FASTKD1: variants seen among roughly 807,000 people sequenced by gnomAD.
FASTKD1 encodes FAST kinase domains 1, also known as FAST kinase domain-containing protein 1, mitochondrial.
FASTKD1 carries 94 observed loss-of-function variants against 90.9 expected under a neutral mutation model. The ratio of observed to expected loss-of-function variants is 1.03; its 90% CI spans 0.88 to 1.23. The LOEUF is 1.23. FASTKD1 is among the 50% of genes most tolerant of loss of function. FASTKD1 has a pLI of 0.00. For synonymous variants in FASTKD1, 319 were observed against 345.8 expected (o/e 0.92, Z 0.86); for missense variants, 945 against 993.5 (o/e 0.95, Z 0.66).
rs1256359940 is a variant in FASTKD1, at chr2:169,537,134, C to A, written c.2188+93G>T. 4 of 789,164 alleles carry A rather than the reference C, an allele frequency of 5.1e-6. No homozygotes were observed. The East Asian group carries it at 8.6e-5, about 17-fold the overall frequency. 48.9% of individuals were successfully genotyped at this position (789,164 alleles called of 1,614,324 possible). On this transcript the variant is annotated intron_variant, in intron 12 of 14. Transcript: ENST00000453153. ...TAATAATAACAACTTGAAAAAAATT[C>A]AAAAAACTTTAAAAAATTCCAACTG...
intron 3 of FASTKD1, among the ~76,000 whole-genome samples, chr2:169,565,552 G>A (rs532732003): frequency 3.3e-5 from 5 of 152,126 alleles, no homozygotes; most frequent in Non-Finnish European, 7.4e-5. Context: ...GTGAGCCACC[G>A]CGCCCAGCCA....
intron 12 of FASTKD1, among the ~76,000 whole-genome samples, chr2:169,534,413 T>C (rs1684629150): frequency 6.6e-6 from 1 of 150,990 alleles, no homozygotes; most frequent in Non-Finnish European, 1.5e-5. Flanking sequence ...AGCTTGGACT[T>C]CCTAGCCTCC....
chr2:169,560,696 T>G lies in FASTKD1; in HGVS notation c.662A>C (p.Asp221Ala). The stretch of plus-strand genomic sequence containing the variant: ...GTTGACCTCAGAAGAATCTATGGTG[T>G]CAAAAAGAAGTTCTGTTTTGTTCAC... ...QLVNKTELLFDTIDSSEVNVA... is the reference protein window; with the variant it reads ...QLVNKTELLFATIDSSEVNVA... The change falls in exon 5 of 15, where the codon GAC (aspartate) becomes GCC (alanine). Residue 221 changes from aspartate (D) to alanine (A), a missense_variant. By Grantham distance (126) the Asp-to-Ala change is moderately radical. Transcript: ENST00000453153. The G allele has an allele frequency of 6.2e-7, 1 of 1,610,142 alleles. No individual in the cohort carries two copies.
In FASTKD1 at chr2:169,528,776, C is replaced by T. The variant is rs1363460055; in HGVS notation, c.*1049G>A. ...AGCCATTTCCCATTTGTCATCTTTC[C>T]TGACCTATCAGCAGCATCTGATACA... is the stretch of plus-strand genomic sequence containing the variant. On this transcript the variant is annotated 3_prime_UTR_variant, in exon 15 of 15. Coordinates refer to ENST00000453153, the MANE Select transcript of FASTKD1 (RefSeq NM_024622.6). Among the ~76,000 whole-genome samples, 3 of 152,052 alleles carry T rather than the reference C, an allele frequency of 2.0e-5. No homozygotes were observed. The highest frequency in any genetic ancestry group is 2.9e-5 in the Non-Finnish European group (2 of 68,020).
chr2:169,562,062 TTTATTGTAAAATAATTATTTATTA>T lies in FASTKD1; in HGVS notation c.572+1139_572+1162del, dbSNP rs1683707475. Among the ~76,000 whole-genome samples, 2 of 131,790 alleles carry T rather than the reference TTTATTGTAAAATAATTATTTATTA, an allele frequency of 1.5e-5. 1 individual carries two copies. The highest frequency in any genetic ancestry group is 3.2e-5 in the Non-Finnish European group (2 of 62,812). 86.5% of individuals were successfully genotyped at this position (131,790 alleles called of 152,430 possible). On this transcript the variant is annotated intron_variant, in intron 4 of 14. Transcript: ENST00000453153. ...TTATTGTAAATTAATTATTTATTAA[TTTATTGTAAAATAATTATTTATTA>T]ATTTATTGTAAAATAATTATTTATT... is the stretch of plus-strand genomic sequence containing the variant.
Position 169,573,821 on chromosome 2 carries a change from T to A in FASTKD1, c.-295A>T, listed in dbSNP as rs985175805. 3.3e-5 allele frequency: 5 copies of A among 152,198 alleles called. No homozygotes were observed. The highest frequency in any genetic ancestry group is 5.9e-5 in the Non-Finnish European group (4 of 68,052). The allele number at this position is 152,198 out of a possible 1,614,324, so 9.4% of individuals were successfully genotyped here. A position where few individuals can be genotyped will look rare whatever the true frequency, so the allele number is the denominator to read the frequency against. ...CATATCTCAGGGTTTATAACCTTTCTTCGAGAGACATGACCTTTCCCATGA... is the reference window on the plus strand; with the variant it reads ...CATATCTCAGGGTTTATAACCTTTCATCGAGAGACATGACCTTTCCCATGA... On this transcript the variant is annotated 5_prime_UTR_variant, in exon 1 of 15. The change creates a new upstream start codon in the 5' untranslated region. Coordinates refer to ENST00000453153, the MANE Select transcript of FASTKD1 (RefSeq NM_024622.6).
chr2:169,560,952 G>C (rs1407412282), intron 4 of FASTKD1, among the ~76,000 whole-genome samples, 167 bp from the exon 5 acceptor site: 3 of 146,954 alleles, frequency 2.0e-5, no homozygotes, highest in African/African-American at 5.0e-5. Context: ...CAAAGTGCTG[G>C]GATTACAGGC....
chr2:169,537,905 T>A (rs775285365), intron 11 of FASTKD1, 108 bp downstream of exon 11: 4 of 929,240 alleles, frequency 4.3e-6, no homozygotes, highest in Middle Eastern at 2.4e-4. Flanking sequence ...GTCATGGCAC[T>A]CTTGGGAAGG....
At chr2:169,565,248 G>GTTTT (rs1559159903) in intron 3 of FASTKD1, among the ~76,000 whole-genome samples, 1 of 67,738 alleles carries the variant, frequency 1.5e-5, no homozygotes, top group African/African-American at 5.0e-5. Flanking sequence ...ACCACACCAG[G>GTTTT]CTTTTTTTTT....
chr2:169,573,751 G>C lies in FASTKD1; in HGVS notation c.-225C>G, dbSNP rs1684335147. ...AGCTCAGAAGTCAGGGTTATTCCTG[G>C]TCCCAACACGGAACGAAACAGGCTC... On this transcript the variant is annotated 5_prime_UTR_variant, in exon 1 of 15. Coordinates refer to ENST00000453153, the MANE Select transcript of FASTKD1 (RefSeq NM_024622.6). 6.6e-6 allele frequency: 1 copy of C among 152,208 alleles called. No individual in the cohort carries two copies. The highest frequency in any genetic ancestry group is 1.5e-5 in the Non-Finnish European group (1 of 68,058). The allele number at this position is 152,208 out of a possible 1,614,324, so 9.4% of individuals were successfully genotyped here. A position where few individuals can be genotyped will look rare whatever the true frequency, so the allele number is the denominator to read the frequency against.
chr2:169,564,952 CTT>C (rs557658819), intron 3 of FASTKD1, among the ~76,000 whole-genome samples: 28 of 108,998 alleles, frequency 2.6e-4, no homozygotes, highest in African/African-American at 5.4e-4. Context: ...CCACATTTTT[CTT>C]TTTTTTTTTT....
chr2:169,531,286 T>A, intron 13 of FASTKD1, 66 bp downstream of exon 13: 1 of 1,496,672 alleles, frequency 6.7e-7, no homozygotes, highest in Non-Finnish European at 9.3e-7. Context: ...GATCACTGAC[T>A]TCAGTATAGT....
chr2:169,543,161 G>C (rs1223190016), intron 9 of FASTKD1, among the ~76,000 whole-genome samples: 7 of 152,010 alleles, frequency 4.6e-5, no homozygotes, highest in Admixed American at 6.6e-5. Flanking sequence ...ACTCAATGCT[G>C]GTTGTTTAAA....
intron 7 of FASTKD1, among the ~76,000 whole-genome samples, chr2:169,547,709 C>T (rs988109803): frequency 1.1e-4 from 17 of 151,428 alleles, no homozygotes; most frequent in Admixed American, 5.3e-4. Context: ...GAAACGCTGT[C>T]TCTACTAAAA....
chr2:169,553,438 C>A (rs1014030457), intron 7 of FASTKD1, among the ~76,000 whole-genome samples: 1 of 151,986 alleles, frequency 6.6e-6, no homozygotes, highest in Non-Finnish European at 1.5e-5. Context: ...ATCTTACCAT[C>A]TTAAGAAGAA....
At chr2:169,551,805 A>C (rs983025501) in intron 7 of FASTKD1, among the ~76,000 whole-genome samples, 1 of 152,198 alleles carries the variant, frequency 6.6e-6, no homozygotes, top group Non-Finnish European at 1.5e-5. Flanking sequence ...AAAATAAAGG[A>C]AATCATACTA....
rs562472743 is a variant in FASTKD1, at chr2:169,539,741, G to A, written c.1945+310C>T. Among the ~76,000 whole-genome samples the A allele has an allele frequency of 1.7e-3, 258 of 152,228 alleles. 1 individual carries two copies. The highest frequency in any genetic ancestry group is 5.9e-3 in the African/African-American group (244 of 41,538). ...ACTGCACCACTGCACTCCAGCCTGGGCAACAGAGTGAGACCCTGTCTCAAA... is the reference window on the plus strand; with the variant it reads ...ACTGCACCACTGCACTCCAGCCTGGACAACAGAGTGAGACCCTGTCTCAAA... On this transcript the variant is annotated intron_variant, in intron 10 of 14. Coordinates refer to ENST00000453153, the MANE Select transcript of FASTKD1 (RefSeq NM_024622.6).
At chr2:169,569,400 A>G (rs1403507866) in intron 2 of FASTKD1, 148 bp from the exon 3 acceptor site, 16 of 738,060 alleles carry the variant, frequency 2.2e-5, no homozygotes, top group Non-Finnish European at 2.0e-5. Flanking sequence ...TTATTTCAAT[A>G]TTCTGATTTT....
intron 6 of FASTKD1, 61 bp downstream of exon 6, chr2:169,557,126 G>C: frequency 9.1e-7 from 1 of 1,099,392 alleles, no homozygotes; most frequent in South Asian, 1.3e-5. Flanking sequence ...TTTTTCCTTA[G>C]AAAAAAATAG....
Sources: allele counts gnomAD v4.1 joint callset (sites outside exome capture counted in the v4.1 genomes callset), GRCh38; gene constraint gnomAD v4.1.1; transcripts MANE v1.5; gene names NCBI Gene and HGNC (gene_info 2026-07-23, HGNC 2026-07-21).